ODAD2: variants seen among roughly 807,000 people sequenced by gnomAD.
ODAD2 encodes the protein outer dynein arm docking complex subunit 2, also known as outer dynein arm-docking complex subunit 2.
Under a neutral mutation model 106.8 loss-of-function variants are expected in ODAD2, and 89 were observed. That is an observed-to-expected ratio of 0.83 (90% confidence interval 0.70 to 0.99). The LOEUF is 0.99. ODAD2 is among the 50% of genes least tolerant of loss of function. The pLI, the probability that ODAD2 is intolerant of heterozygous loss-of-function variation, is 0.00. For synonymous variants in ODAD2, 404 were observed against 436.2 expected, an observed-to-expected ratio of 0.93 and a Z score of 0.92; for missense variants, 1,168 against 1,238.5, an observed-to-expected ratio of 0.94 and a Z score of 0.85.
chr10:27,867,997 T>C (rs964918495), intron 17 of ODAD2, among the ~76,000 whole-genome samples: 4 of 150,628 alleles, frequency 2.7e-5, no homozygotes, highest in Non-Finnish European at 5.9e-5. Context: ...TCAATTTCCA[T>C]ATACAGTTAT....
At chr10:27,965,098 G>A (rs963848952) in intron 9 of ODAD2, among the ~76,000 whole-genome samples, 1 of 152,106 alleles carries the variant, frequency 6.6e-6, no homozygotes, top group African/African-American at 2.4e-5. Context: ...GGGGTTTCAG[G>A]TTTTTCAAGA....
At chr10:27,952,074 C>CAAAAAAAAA (rs71388944) in intron 10 of ODAD2, among the ~76,000 whole-genome samples, 17 of 44,008 alleles carry the variant, frequency 3.9e-4, no homozygotes, top group South Asian at 2.0e-3. Context: ...GATGCCAACT[C>CAAAAAAAAA]AAAAAAAAAA....
intron 19 of ODAD2, among the ~76,000 whole-genome samples, chr10:27,814,530 A>T (rs2132773221): frequency 6.6e-6 from 1 of 152,240 alleles, no homozygotes; most frequent in South Asian, 2.1e-4. Flanking sequence ...TCAGAGTTAC[A>T]TCTGGGCCCT....
intron 19 of ODAD2, among the ~76,000 whole-genome samples, chr10:27,848,273 C>A (rs773516719): frequency 1.3e-5 from 2 of 152,168 alleles, no homozygotes; most frequent in Non-Finnish European, 2.9e-5. Flanking sequence ...TACTACACAT[C>A]TACAACCATC....
intron 17 of ODAD2, among the ~76,000 whole-genome samples, chr10:27,875,016 T>C (rs910661932): frequency 3.9e-5 from 6 of 152,244 alleles, no homozygotes; most frequent in African/African-American, 4.8e-5. Flanking sequence ...TTTGGTCTTT[T>C]CACATAGTCC....
chr10:27,978,373 C>G (rs1336326886), intron 7 of ODAD2, among the ~76,000 whole-genome samples: 1 of 152,180 alleles, frequency 6.6e-6, no homozygotes, highest in Non-Finnish European at 1.5e-5. Context: ...TAATTTCAAA[C>G]CATTACTCTA....
chr10:27,984,848 T>C (rs1849773060), intron 4 of ODAD2, among the ~76,000 whole-genome samples, 171 bp downstream of exon 4: 1 of 152,110 alleles, frequency 6.6e-6, no homozygotes, highest in Non-Finnish European at 1.5e-5. Flanking sequence ...AAAGCAACTT[T>C]GTAACTAATT....
intron 19 of ODAD2, among the ~76,000 whole-genome samples, chr10:27,841,629 C>T (rs1446308636): frequency 1.3e-5 from 2 of 152,068 alleles, no homozygotes; most frequent in Non-Finnish European, 2.9e-5. Flanking sequence ...ATCCTGACCT[C>T]AGGTGATCTG....
intron 16 of ODAD2, among the ~76,000 whole-genome samples, chr10:27,926,202 C>T (rs1845250399): frequency 6.6e-6 from 1 of 152,136 alleles, no homozygotes; most frequent in African/African-American, 2.4e-5. Flanking sequence ...TAACTACATT[C>T]TAATAAAACT....
chr10:27,812,249 T>C lies in ODAD2; in HGVS notation c.*263A>G. The C allele has an allele frequency of 2.3e-6, 1 of 440,066 alleles. No homozygotes were observed. The highest frequency in any genetic ancestry group is 4.0e-6 in the Non-Finnish European group (1 of 252,538). The allele number at this position is 440,066 out of a possible 1,614,324, so 27.3% of individuals were successfully genotyped here. A position where few individuals can be genotyped will look rare whatever the true frequency, so the allele number is the denominator to read the frequency against. On this transcript the variant is annotated 3_prime_UTR_variant, in exon 20 of 20. Transcript: ENST00000305242. ...ACTAAAAATACATCATATACGTATATTCTCATATTCTTAGAAACTTATCAC... is the reference window on the plus strand; with the variant it reads ...ACTAAAAATACATCATATACGTATACTCTCATATTCTTAGAAACTTATCAC...
chr10:27,837,477 A>G (rs1837982966), intron 19 of ODAD2, among the ~76,000 whole-genome samples: 1 of 152,236 alleles, frequency 6.6e-6, no homozygotes, highest in Admixed American at 6.5e-5. Context: ...TTCCACAATC[A>G]GAAAATCATG....
intron 16 of ODAD2, among the ~76,000 whole-genome samples, chr10:27,925,390 C>T (rs929988537): frequency 6.6e-6 from 1 of 152,224 alleles, no homozygotes; most frequent in African/African-American, 2.4e-5. Flanking sequence ...CAAGGCCTCA[C>T]TCTGTCACCC....
chr10:27,856,134 G>C (rs909409644), intron 19 of ODAD2, among the ~76,000 whole-genome samples: 1 of 152,088 alleles, frequency 6.6e-6, no homozygotes, highest in East Asian at 1.9e-4. Flanking sequence ...TTTCCACATA[G>C]TTTCCAACAA....
chr10:27,991,655 G>C (rs545954748), intron 2 of ODAD2, among the ~76,000 whole-genome samples: 1 of 152,264 alleles, frequency 6.6e-6, no homozygotes, highest in South Asian at 2.1e-4. Flanking sequence ...TTTCAGCGTA[G>C]ATAAAACTTA....
chr10:27,832,544 C>A (rs1284295113), intron 19 of ODAD2, among the ~76,000 whole-genome samples: 1 of 152,160 alleles, frequency 6.6e-6, no homozygotes, highest in Non-Finnish European at 1.5e-5. Flanking sequence ...CAGACACACA[C>A]ACACACACAT....
chr10:27,942,372 A>G (rs1173050986), intron 12 of ODAD2, among the ~76,000 whole-genome samples: 1 of 152,214 alleles, frequency 6.6e-6, no homozygotes, highest in Non-Finnish European at 1.5e-5. Context: ...GTCTTCATTT[A>G]GAAGTCTGGT....
intron 19 of ODAD2, among the ~76,000 whole-genome samples, chr10:27,827,448 A>G (rs1338425522): frequency 6.7e-6 from 1 of 149,252 alleles, no homozygotes; most frequent in Non-Finnish European, 1.5e-5. Flanking sequence ...AAGATGTTCA[A>G]AGCCATTGTG....
At chr10:27,943,674 C>T (rs1301325616) in intron 12 of ODAD2, among the ~76,000 whole-genome samples, 1 of 151,362 alleles carries the variant, frequency 6.6e-6, no homozygotes, top group African/African-American at 2.4e-5. Flanking sequence ...GTAGTCTCAG[C>T]TACTTGGGAG....
intron 10 of ODAD2, chr10:27,958,839 C>T (rs1403880487): frequency 7.7e-7 from 1 of 1,303,132 alleles, no homozygotes; most frequent in Non-Finnish European, 1.0e-6. Context: ...TCAACTCACC[C>T]AAGGCCATTG....
Sources: gnomAD v4.1 joint callset for allele counts (sites outside exome capture counted in the v4.1 genomes callset) on GRCh38, gnomAD v4.1.1 for gene constraint, MANE v1.5 for transcripts, NCBI Gene and HGNC (gene_info 2026-07-23, HGNC 2026-07-21) for gene names.